ST8SIA4: variants seen among roughly 807,000 people sequenced by gnomAD.
The protein encoded by ST8SIA4 is CMP-N-acetylneuraminate-poly-alpha-2,8-sialyltransferase.
A neutral mutation model predicts 33.9 loss-of-function variants in ST8SIA4; 15 were observed. That is an observed-to-expected ratio of 0.44 (90% CI 0.30 to 0.68). The LOEUF is 0.68. Ranked by LOEUF, ST8SIA4 falls within the 30% of genes least tolerant of loss-of-function variation. ST8SIA4 has a pLI of 0.10. For synonymous variants in ST8SIA4, 171 were observed against 151.2 expected (o/e 1.13, Z -0.96); for missense variants, 321 against 428.0 (o/e 0.75, Z 2.21).
intron 3 of ST8SIA4, among the ~76,000 whole-genome samples, chr5:100,869,786 T>C (rs1752156681): frequency 6.6e-6 from 1 of 152,138 alleles, no homozygotes; most frequent in Non-Finnish European, 1.5e-5. Context: ...TATCTTGGCT[T>C]TTCCCCTTGA....
chr5:100,888,852 T>G (rs914289202), intron 2 of ST8SIA4, among the ~76,000 whole-genome samples: 1 of 151,948 alleles, frequency 6.6e-6, no homozygotes. Context: ...GCTCTAATTT[T>G]ATAAACAAGA....
Position 100,840,042 on chromosome 5 carries a change from A to G in ST8SIA4, c.797+16061T>C, listed in dbSNP as rs572396010. ...TATACTTTTAATATTTTCAATTCAT[A>G]CGGAGTCTTTTTTAAACTGTTCCTG... On this transcript the variant is annotated intron_variant, in intron 4 of 4. Transcript: ENST00000231461. Among the ~76,000 whole-genome samples the G allele has an allele frequency of 5.3e-5, 8 of 151,768 alleles. No homozygotes were observed. The South Asian group carries it at 1.7e-3, about 31-fold the overall frequency.
intron 4 of ST8SIA4, among the ~76,000 whole-genome samples, chr5:100,854,639 T>C (rs189620816): frequency 6.6e-6 from 1 of 152,242 alleles, no homozygotes; most frequent in Non-Finnish European, 1.5e-5. Context: ...TGTAATTTAA[T>C]TGTGTGCAAA....
intron 3 of ST8SIA4, among the ~76,000 whole-genome samples, chr5:100,879,035 T>A (rs1752363244): frequency 6.6e-6 from 1 of 152,212 alleles, no homozygotes. Flanking sequence ...TACAACATTC[T>A]AACTTCTATT....
At chr5:100,862,900 A>G (rs759431105) in intron 3 of ST8SIA4, among the ~76,000 whole-genome samples, 17 of 152,236 alleles carry the variant, frequency 1.1e-4, no homozygotes, top group Admixed American at 3.3e-4. Flanking sequence ...TCATGCTCTT[A>G]AATATTATGT....
At chr5:100,864,496 A>G (rs1752019342) in intron 3 of ST8SIA4, among the ~76,000 whole-genome samples, 1 of 148,602 alleles carries the variant, frequency 6.7e-6, no homozygotes, top group South Asian at 2.1e-4. Flanking sequence ...AATGGCGTGA[A>G]CCTGGGAGTT....
At chr5:100,881,263 T>C (rs1290848612) in intron 3 of ST8SIA4, among the ~76,000 whole-genome samples, 1 of 152,218 alleles carries the variant, frequency 6.6e-6, no homozygotes, top group African/African-American at 2.4e-5. Context: ...AGAACTCTTG[T>C]ATTACAAAGT....
intron 3 of ST8SIA4, chr5:100,885,446 C>T: frequency 3.2e-6 from 3 of 936,768 alleles, no homozygotes; most frequent in Non-Finnish European, 3.8e-6. Flanking sequence ...TAAAAATATT[C>T]AAAAAATATT....
At chr5:100,822,784 G>C (rs910451486) in intron 4 of ST8SIA4, among the ~76,000 whole-genome samples, 1 of 152,102 alleles carries the variant, frequency 6.6e-6, no homozygotes, top group Non-Finnish European at 1.5e-5. Context: ...CACAGGATGA[G>C]ACAGAATGTC....
chr5:100,817,129 TTTTTTTTTTTTG>T, intron 4 of ST8SIA4, among the ~76,000 whole-genome samples: 1 of 135,452 alleles, frequency 7.4e-6, no homozygotes, highest in African/African-American at 2.8e-5. Flanking sequence ...TTTTTTTTTT[TTTTTTTTTTTTG>T]TATTTTTGGT....
intron 4 of ST8SIA4, chr5:100,849,320 A>G: frequency 1.0e-6 from 1 of 985,410 alleles, no homozygotes; most frequent in Non-Finnish European, 1.2e-6. Flanking sequence ...AGTCTTGTCT[A>G]AAGTCAGAAT....
chr5:100,867,346 T>G (rs983686977), intron 3 of ST8SIA4, among the ~76,000 whole-genome samples: 13 of 152,100 alleles, frequency 8.5e-5, no homozygotes, highest in African/African-American at 3.1e-4. Flanking sequence ...TCAGGGAAAC[T>G]GACTACTCCA....
At chr5:100,830,232 G>T (rs1196483747) in intron 4 of ST8SIA4, among the ~76,000 whole-genome samples, 1 of 152,206 alleles carries the variant, frequency 6.6e-6, no homozygotes, top group African/African-American at 2.4e-5. Context: ...TATGGGTGTA[G>T]ACTCTGGAGC....
intron 1 of ST8SIA4, among the ~76,000 whole-genome samples, chr5:100,897,000 T>A (rs1363251591): frequency 6.6e-6 from 1 of 152,110 alleles, no homozygotes; most frequent in Non-Finnish European, 1.5e-5. Flanking sequence ...ACCTTGAAAA[T>A]TACAATAACT....
At chr5:100,827,935 A>C (rs1751177310) in intron 4 of ST8SIA4, among the ~76,000 whole-genome samples, 2 of 152,222 alleles carry the variant, frequency 1.3e-5, no homozygotes, top group Admixed American at 6.5e-5. Context: ...CAACATCAGT[A>C]CTGTACACTG....
chr5:100,848,800 C>A (rs1751623586), intron 4 of ST8SIA4, among the ~76,000 whole-genome samples: 3 of 150,668 alleles, frequency 2.0e-5, no homozygotes, highest in South Asian at 2.1e-4. Context: ...AAAGAAAGGG[C>A]AAATTCAGCA....
At chr5:100,835,770 G>T (rs1751352208) in intron 4 of ST8SIA4, among the ~76,000 whole-genome samples, 1 of 152,032 alleles carries the variant, frequency 6.6e-6, no homozygotes, top group Admixed American at 6.6e-5. Flanking sequence ...CCCACTTTGG[G>T]GGATACATTG....
intron 3 of ST8SIA4, among the ~76,000 whole-genome samples, chr5:100,881,287 T>C (rs911713123): frequency 1.3e-5 from 2 of 152,240 alleles, no homozygotes; most frequent in African/African-American, 4.8e-5. Flanking sequence ...GAGATAAGTC[T>C]ATTTTGAATT....
At chr5:100,854,595 A>T (rs557418178) in intron 4 of ST8SIA4, among the ~76,000 whole-genome samples, 1 of 150,292 alleles carries the variant, frequency 6.7e-6, no homozygotes, top group East Asian at 1.9e-4. Context: ...AAAACAAAAC[A>T]AAACAAAACA....
Sources: allele counts gnomAD v4.1 joint callset (sites outside exome capture counted in the v4.1 genomes callset), GRCh38; gene constraint gnomAD v4.1.1; transcripts MANE v1.5; gene names NCBI Gene and HGNC (gene_info 2026-07-23, HGNC 2026-07-21).